The following CCHCR1 variants were observed in gnomAD, a reference collection of about 807,000 sequenced individuals.
CCHCR1 encodes HCR (a-helix coiled-coil rod homologue).
A neutral mutation model predicts 114.6 loss-of-function variants in CCHCR1; 91 were observed. The ratio of observed to expected loss-of-function variants is 0.79; its 90% CI spans 0.67 to 0.94. The LOEUF (loss-of-function observed/expected upper bound fraction) is 0.94. Among genes scored for constraint, CCHCR1 ranks in the 40% least tolerant of loss-of-function variants. The pLI is 0.00. For synonymous variants in CCHCR1, 379 were observed against 428.5 expected, an observed-to-expected ratio of 0.88 and a Z score of 1.43; for missense variants, 899 against 1,079.9, an observed-to-expected ratio of 0.83 and a Z score of 2.35.
intron 10 of CCHCR1, among the ~76,000 whole-genome samples, chr6:31,147,122 C>A (rs967471841): frequency 6.6e-6 from 1 of 152,014 alleles, no homozygotes; most frequent in Non-Finnish European, 1.5e-5. Flanking sequence ...ACCTGCCGGC[C>A]AGGCACGGTG....
In CCHCR1 at chr6:31,157,062, G is replaced by T. The variant is rs745924045; in HGVS notation, c.244C>A (p.Leu82Ile). 2 of 1,612,068 alleles carry T rather than the reference G, an allele frequency of 1.2e-6. No homozygotes were observed. Among genetic ancestry groups the T allele is most frequent in the Non-Finnish European group, 1.7e-6 (2 of 1,179,576 alleles). The change falls in exon 2 of 18, where the codon CTA becomes ATA. Residue 82 changes from leucine (L) to isoleucine (I), a missense_variant. By Grantham distance (5) the Leu-to-Ile change is conservative. Coordinates refer to ENST00000396268, the MANE Select transcript of CCHCR1 (RefSeq NM_001105564.2). Reference sequence around the variant, plus strand: ...ATCTCCACATTATTTGAAGGCTCTAGATTCTGTCTCCAGCCATCTATGTTC... The same window carrying T: ...ATCTCCACATTATTTGAAGGCTCTATATTCTGTCTCCAGCCATCTATGTTC... Reference protein sequence around the residue: ...RGNIDGWRQNLEPSNNVEMFP... With the variant: ...RGNIDGWRQNIEPSNNVEMFP...
rs769499655 is a variant in CCHCR1 at position 31,157,470 on chromosome 6, C to T, written c.131G>A (p.Arg44Lys). 50 of 1,612,948 alleles carry T rather than the reference C, an allele frequency of 3.1e-5. No homozygotes were observed. Among genetic ancestry groups the T allele is most frequent in the Non-Finnish European group, 3.7e-5 (44 of 1,180,026 alleles). Residue 44 changes from arginine (R) to lysine (K), a missense_variant, in exon 1 of 18, where the codon AGA becomes AAA. Arg to Lys is a conservative substitution (Grantham distance 26). Transcript: ENST00000396268. ...GLAEPWRELW[R>K]WRSRPLHCVP... ...ACAGTGCAGGGGTCTTGAGCGCCAT[C>T]TCCAGAGTTCTCTCCATGGCTCAGC...
intron 8 of CCHCR1, 111 bp from the exon 9 acceptor site, chr6:31,148,839 T>TG: frequency 1.2e-3 from 4 of 3,248 alleles, no homozygotes; most frequent in Non-Finnish European, 2.5e-3. Context: ...ATGCAGGGGC[T>TG]GGGGGGAGGG....
chr6:31,147,325 G>C (rs770942759), intron 10 of CCHCR1, among the ~76,000 whole-genome samples: 1 of 151,316 alleles, frequency 6.6e-6, no homozygotes, highest in Non-Finnish European at 1.5e-5. Flanking sequence ...GTGTGAACCC[G>C]GGAGGCAGAG....
intron 3 of CCHCR1, chr6:31,156,481 C>T: frequency 1.9e-6 from 1 of 519,652 alleles, no homozygotes; most frequent in Non-Finnish European, 3.3e-6. Flanking sequence ...GTCAATCTAT[C>T]TCCCCTCTTA....
At chr6:31,146,968 T>C (rs2240063) in intron 10 of CCHCR1, among the ~76,000 whole-genome samples, 84,431 of 152,050 alleles carry the variant, frequency 0.56, 23,401 homozygotes, top group Middle Eastern at 0.62. Flanking sequence ...AAGGTACAAA[T>C]CCAAGAGAAG....
At chr6:31,156,632 G>A (rs979671206) in intron 3 of CCHCR1, 99 bp downstream of exon 3, 40 of 992,548 alleles carry the variant, frequency 4.0e-5, no homozygotes, top group Non-Finnish European at 5.4e-5. Context: ...AAATGAGTAC[G>A]TTCTGGAAAC....
rs1170185588 is a variant in CCHCR1 at position 31,142,590 on chromosome 6, G to A, written c.*2C>T. ...CTGGCTTTCCCTCCAACTGTCAGCT[G>A]CTTAGCTGCTCATCTGGGGATTGGA... On this transcript the variant is annotated 3_prime_UTR_variant, in exon 18 of 18. Coordinates refer to ENST00000396268, the MANE Select transcript of CCHCR1 (RefSeq NM_001105564.2). 1.9e-6 allele frequency: 3 copies of A among 1,611,054 alleles called. No individual in the cohort carries two copies. Among genetic ancestry groups the A allele is most frequent in the South Asian group, 1.1e-5 (1 of 91,034 alleles).
In CCHCR1 at chr6:31,144,526, A is replaced by G. The variant is rs1287758187; in HGVS notation, c.2167+161T>C. The G allele has an allele frequency of 3.2e-6, 2 of 629,814 alleles. No individual in the cohort carries two copies. The highest frequency in any genetic ancestry group is 1.8e-5 in the African/African-American group (1 of 54,714). The allele number at this position is 629,814 out of a possible 1,614,324, so 39.0% of individuals were successfully genotyped here. A position where few individuals can be genotyped will look rare whatever the true frequency, so the allele number is the denominator to read the frequency against. The stretch of plus-strand genomic sequence containing the variant: ...TGTTTCTTAATCTGGTGCTGGCTAC[A>G]TGGGTGTGTTCACGATGTGATAATT... On this transcript the variant is annotated intron_variant, in intron 15 of 17. Transcript: ENST00000396268. This position sits in a 1 kb window ranked among gnomAD's most constrained non-coding sequence, Gnocchi z 4.6.
In CCHCR1 at chr6:31,151,266, A is replaced by C; in HGVS notation, c.802-144T>G. On this transcript the variant is annotated intron_variant, in intron 4 of 17. Coordinates refer to ENST00000396268, the MANE Select transcript of CCHCR1 (RefSeq NM_001105564.2). The surrounding 1 kb of genome is among the most constrained non-coding windows in gnomAD (Gnocchi z 4.1). Reference sequence around the variant, plus strand: ...ACAGCAAATGGAGAGCTGGCAACTCACTCTCCGCAGCTGCCCCACAACCCA... The same window carrying C: ...ACAGCAAATGGAGAGCTGGCAACTCCCTCTCCGCAGCTGCCCCACAACCCA... 2.5e-6 allele frequency: 2 copies of C among 810,532 alleles called. No homozygotes were observed. The highest frequency in any genetic ancestry group is 1.9e-6 in the Non-Finnish European group (1 of 523,712). The allele number at this position is 810,532 out of a possible 1,614,324, so 50.2% of individuals were successfully genotyped here. A position where few individuals can be genotyped will look rare whatever the true frequency, so the allele number is the denominator to read the frequency against.
chr6:31,150,787 G>A lies in CCHCR1; in HGVS notation c.1039C>T (p.Pro347Ser), dbSNP rs759240112. ...CATGTCTGGCTGTGGACCTCAGAAG[G>A]CACTTGTTCCCCAACATATTTTCTT... ...NLRKYVGEQV[P>S]SEVHSQTWEL... The change falls in exon 6 of 18, where the codon CCT becomes TCT. Residue 347 changes from proline to serine, a missense_variant. Pro to Ser is a moderately conservative substitution (Grantham distance 74). Transcript: ENST00000396268. The surrounding 1 kb of genome is among the most constrained non-coding windows in gnomAD (Gnocchi z 5.3). 6.2e-7 allele frequency: 1 copy of A among 1,613,032 alleles called. No homozygotes were observed. Among genetic ancestry groups the A allele is most frequent in the Non-Finnish European group, 8.5e-7 (1 of 1,180,016 alleles).
chr6:31,144,613 A>G lies in CCHCR1; in HGVS notation c.2167+74T>C. On this transcript the variant is annotated intron_variant, in intron 15 of 17. Transcript: ENST00000396268. This position sits in a 1 kb window ranked among gnomAD's most constrained non-coding sequence, Gnocchi z 4.6. ...GTAATGAAGCTTTGAACACACTTTG[A>G]GGGGAAAATAATAACCTTATGTCTT... is the stretch of plus-strand genomic sequence containing the variant. 5 of 932,324 alleles carry G rather than the reference A, an allele frequency of 5.4e-6. No individual in the cohort carries two copies. Among genetic ancestry groups the G allele is most frequent in the South Asian group, 4.6e-5 (3 of 64,642 alleles). The allele number at this position is 932,324 out of a possible 1,614,324, so 57.8% of individuals were successfully genotyped here.
intron 9 of CCHCR1, 52 bp downstream of exon 9, chr6:31,148,566 C>CG: frequency 6.3e-7 from 1 of 1,595,098 alleles, no homozygotes; most frequent in Non-Finnish European, 8.6e-7. Context: ...GCTGCAGCCC[C>CG]GGAACAGGGG....
Position 31,154,593 on chromosome 6 carries a change from A to C in CCHCR1, c.704T>G (p.Leu235Arg), listed in dbSNP as rs770084120. The change falls in exon 4 of 18, where the codon CTG becomes CGG. Residue 235 changes from leucine (L) to arginine (R), a missense_variant. Coordinates refer to ENST00000396268, the MANE Select transcript of CCHCR1 (RefSeq NM_001105564.2). The surrounding 1 kb of genome is among the most constrained non-coding windows in gnomAD (Gnocchi z 4.1). Reference protein sequence around the residue: ...EKAGRAEAEGLRAALAGAEVV... With the variant: ...EKAGRAEAEGRRAALAGAEVV... ...CTCAGCCCCAGCCAAAGCAGCACGC[A>C]GGCCCTCAGCCTCAGCTCGGCCGGC... The C allele has an allele frequency of 1.9e-6, 3 of 1,612,940 alleles. No individual in the cohort carries two copies. The African/African-American group carries it at 4.0e-5, about 22-fold the overall frequency.
chr6:31,144,436 A>C lies in CCHCR1; in HGVS notation c.2167+251T>G, dbSNP rs9263741. On this transcript the variant is annotated intron_variant, in intron 15 of 17. Coordinates refer to ENST00000396268, the MANE Select transcript of CCHCR1 (RefSeq NM_001105564.2). The surrounding 1 kb of genome is among the most constrained non-coding windows in gnomAD (Gnocchi z 4.6). ...CCTCAAACTCCTGACCTCAGGTGAT[A>C]CACCCACCTCGGCCTCCCAAAGTGC... 0.15 allele frequency: 63,779 copies of C among 421,778 alleles called. 5,125 individuals are homozygous for C. The highest frequency in any genetic ancestry group is 0.19 in the Middle Eastern group (314 of 1,632). The allele number at this position is 421,778 out of a possible 1,614,324, so 26.1% of individuals were successfully genotyped here.
intron 17 of CCHCR1, 51 bp from the exon 18 acceptor site, chr6:31,142,767 T>C: frequency 6.3e-7 from 1 of 1,585,474 alleles, no homozygotes; most frequent in South Asian, 1.1e-5. Flanking sequence ...GTGCTCGTGG[T>C]TACAGAGGAA....
chr6:31,157,093 G>A lies in CCHCR1; in HGVS notation c.217-4C>T, dbSNP rs1414393706. 1.9e-6 allele frequency: 3 copies of A among 1,607,448 alleles called. No homozygotes were observed. The highest frequency in any genetic ancestry group is 2.6e-6 in the Non-Finnish European group (3 of 1,176,072). On this transcript the variant is annotated splice_region_variant and splice_polypyrimidine_tract_variant and intron_variant, in intron 1 of 17. Coordinates refer to ENST00000396268, the MANE Select transcript of CCHCR1 (RefSeq NM_001105564.2). ...GTCTCCAGCCATCTATGTTCCCCTG[G>A]ACAAGAGGAGAAACAAAGACACTCC...
In CCHCR1 at chr6:31,150,506, C is replaced by A. The variant is rs976728673; in HGVS notation, c.1161G>T (p.Val387=). The change falls in exon 7 of 18, where the codon GTG becomes GTT. Residue 387 remains valine (V), a synonymous_variant. Transcript: ENST00000396268. This position sits in a 1 kb window ranked among gnomAD's most constrained non-coding sequence, Gnocchi z 5.3. The part of the protein sequence containing the change: ...HATAELLQVR[V]QSLTHILALQ... ...GGGCGAGGATGTGTGTGAGGCTCTG[C>A]ACCCGCACCTGCAGCAGCTCCGCGG... 3.7e-6 allele frequency: 6 copies of A among 1,612,718 alleles called. No individual in the cohort carries two copies. The highest frequency in any genetic ancestry group is 1.3e-5 in the African/African-American group (1 of 75,030).
rs769473592 is a variant in CCHCR1 at position 31,144,957 on chromosome 6, G to A, written c.1993C>T (p.Gln665Ter). 2 of 1,611,122 alleles carry A rather than the reference G, an allele frequency of 1.2e-6. No homozygotes were observed. Among genetic ancestry groups the A allele is most frequent in the Non-Finnish European group, 1.7e-6 (2 of 1,179,952 alleles). Residue 665 changes from glutamine to a stop codon, truncating the protein, a stop_gained, in exon 14 of 18, where the codon CAG (glutamine) becomes TAG (stop). Transcript: ENST00000396268. LOFTEE classifies it high-confidence loss of function. This position sits in a 1 kb window ranked among gnomAD's most constrained non-coding sequence, Gnocchi z 4.6. ...GLQLEVARQG[Q>*]QESTEEAASL... is the part of the protein sequence containing the mutation. Reference sequence around the variant, plus strand: ...GCAGCCTCCTCTGTGCTCTCCTGCTGGCCCTGGCGTGCTACCTCCAGCTGC... The same window carrying A: ...GCAGCCTCCTCTGTGCTCTCCTGCTAGCCCTGGCGTGCTACCTCCAGCTGC...
Sources: allele counts gnomAD v4.1 joint callset (sites outside exome capture counted in the v4.1 genomes callset), GRCh38; gene constraint gnomAD v4.1.1; non-coding constraint Gnocchi (gnomAD v3.1); transcripts MANE v1.5; gene names NCBI Gene and HGNC (gene_info 2026-07-23, HGNC 2026-07-21).